NRXN3: variants seen among roughly 807,000 people sequenced by gnomAD.
NRXN3 encodes the protein neurexin 3.
A neutral mutation model predicts 137.6 loss-of-function variants in NRXN3; 32 were observed. The ratio of observed to expected loss-of-function variants is 0.23; its 90% CI spans 0.18 to 0.31. The LOEUF is 0.31. NRXN3 is among the 10% of genes least tolerant of loss of function. The pLI, the probability that NRXN3 is intolerant of heterozygous loss-of-function variation, is 1.00. For missense variants in NRXN3, 1,574 were observed against 2,062.5 expected (o/e 0.76, Z 4.59); for synonymous variants, 798 against 784.5 (o/e 1.02, Z -0.29).
At chr14:78,725,956 G>A (rs2098481294) in intron 8 of NRXN3, among the ~76,000 whole-genome samples, 1 of 152,174 alleles carries the variant, frequency 6.6e-6, no homozygotes, top group South Asian at 2.1e-4. Flanking sequence ...TTGGGGTTAA[G>A]GATAGGTTAA....
chr14:79,451,171 GAAAAA>G (rs563541996), intron 15 of NRXN3, among the ~76,000 whole-genome samples: 1 of 86,120 alleles, frequency 1.2e-5, no homozygotes. Flanking sequence ...GGAGGGAACA[GAAAAA>G]AAAAAAAAAA....
intron 4 of NRXN3, among the ~76,000 whole-genome samples, chr14:78,595,712 G>A (rs887579584): frequency 6.6e-5 from 10 of 152,324 alleles, no homozygotes; most frequent in African/African-American, 2.4e-4. Context: ...AACTGAGGCT[G>A]TAAGAGATAA....
intron 10 of NRXN3, among the ~76,000 whole-genome samples, chr14:78,943,619 AAAATATATATATATATATATAT>A (rs1172635462): frequency 5.8e-4 from 25 of 42,810 alleles, no homozygotes; most frequent in South Asian, 1.2e-3. Context: ...TTAAAAAAAA[AAAATATATATATATATATATAT>A]ATATATATAT....
intron 15 of NRXN3, among the ~76,000 whole-genome samples, chr14:79,087,803 G>A (rs1043662868): frequency 2.6e-5 from 4 of 152,144 alleles, no homozygotes; most frequent in African/African-American, 7.2e-5. Flanking sequence ...TCAGGCAACC[G>A]CTGCCATCTT....
chr14:79,162,288 C>T (rs2060860809), intron 15 of NRXN3, among the ~76,000 whole-genome samples: 1 of 129,230 alleles, frequency 7.7e-6, no homozygotes, highest in African/African-American at 2.8e-5. Flanking sequence ...GCTATCCCGC[C>T]CCCCTCCCCT....
intron 4 of NRXN3, among the ~76,000 whole-genome samples, chr14:78,636,651 TTGAC>T (rs934529389): frequency 2.6e-5 from 4 of 152,144 alleles, no homozygotes; most frequent in South Asian, 2.1e-4. Context: ...GCTTGTTTGA[TTGAC>T]TGACCCATAA....
At chr14:79,698,445 A>G (rs958396894) in intron 19 of NRXN3, among the ~76,000 whole-genome samples, 2 of 151,958 alleles carry the variant, frequency 1.3e-5, no homozygotes, top group Non-Finnish European at 2.9e-5. Context: ...TGCAGTCTTT[A>G]TGTTTGTTAT....
chr14:79,224,320 G>C (rs564069443), intron 15 of NRXN3, among the ~76,000 whole-genome samples: 1 of 152,280 alleles, frequency 6.6e-6, no homozygotes, highest in Admixed American at 6.5e-5. Flanking sequence ...GAGATAGTGA[G>C]AATTGGATTA....
intron 16 of NRXN3, among the ~76,000 whole-genome samples, chr14:79,600,337 CCTCTGAATAGT>C: frequency 6.6e-6 from 1 of 152,112 alleles, no homozygotes; most frequent in Non-Finnish European, 1.5e-5. Context: ...TTATTTAGGT[CCTCTGAATAGT>C]CTCTGAATGG....
chr14:79,470,444 G>A (rs2096485250), intron 16 of NRXN3, among the ~76,000 whole-genome samples: 1 of 152,034 alleles, frequency 6.6e-6, no homozygotes, highest in African/African-American at 2.4e-5. Flanking sequence ...GTTTTCACAT[G>A]GCAGAAGGGC....
chr14:79,230,887 GA>G (rs200903312), intron 15 of NRXN3, among the ~76,000 whole-genome samples: 18 of 150,850 alleles, frequency 1.2e-4, no homozygotes, highest in Admixed American at 4.0e-4. Context: ...AAAATGGGGA[GA>G]AAAAAAAACT....
At chr14:79,123,867 G>A (rs1024026590) in intron 15 of NRXN3, among the ~76,000 whole-genome samples, 2 of 152,146 alleles carry the variant, frequency 1.3e-5, no homozygotes, top group Non-Finnish European at 2.9e-5. Flanking sequence ...AGAATGTTTT[G>A]CCTCATTGGA....
At chr14:78,899,904 C>T (rs1207201551) in intron 10 of NRXN3, among the ~76,000 whole-genome samples, 2 of 152,074 alleles carry the variant, frequency 1.3e-5, no homozygotes, top group Admixed American at 6.6e-5. Flanking sequence ...GATGAGATAA[C>T]GTGGAGCTTT....
chr14:79,752,766 T>A (rs1490309318), intron 19 of NRXN3, among the ~76,000 whole-genome samples: 1 of 151,808 alleles, frequency 6.6e-6, no homozygotes, highest in African/African-American at 2.4e-5. Flanking sequence ...GAAACTACCA[T>A]CAGAGTGAAC....
intron 1 of NRXN3, among the ~76,000 whole-genome samples, chr14:78,173,907 C>T (rs1267018378): frequency 1.3e-5 from 2 of 151,786 alleles, no homozygotes; most frequent in Non-Finnish European, 2.9e-5. Flanking sequence ...AACCTCTTTC[C>T]CCACTCTACC....
intron 4 of NRXN3, among the ~76,000 whole-genome samples, chr14:78,340,728 C>G (rs2082056554): frequency 6.6e-6 from 1 of 152,162 alleles, no homozygotes; most frequent in African/African-American, 2.4e-5. Flanking sequence ...AGGGCAAGAC[C>G]TGTAACTGAC....
intron 1 of NRXN3, among the ~76,000 whole-genome samples, chr14:78,234,113 A>G (rs1596217330): frequency 6.6e-6 from 1 of 152,322 alleles, no homozygotes; most frequent in East Asian, 1.9e-4. Context: ...CCCCAATGTA[A>G]GATGTCCCTT....
At position 78,905,082 on chromosome 14, in the gene NRXN3, G is replaced by A. The variant is rs143840021; in HGVS notation, c.2276-52160G>A. Among the ~76,000 whole-genome samples, 5 of 152,104 alleles carry A rather than the reference G, an allele frequency of 3.3e-5. No individual in the cohort carries two copies. In the East Asian group the frequency reaches 7.8e-4, roughly 24 times the overall value. On this transcript the variant is annotated intron_variant, in intron 10 of 20. Coordinates refer to ENST00000335750, the MANE Select transcript of NRXN3 (RefSeq NM_001330195.2). ...TTGAGTTCAGTGTGGATTGCATCTT[G>A]TGTTTAATATTCTTCAGGATTTGGC...
intron 20 of NRXN3, among the ~76,000 whole-genome samples, chr14:79,844,661 C>A (rs2099363303): frequency 6.6e-6 from 1 of 152,110 alleles, no homozygotes; most frequent in African/African-American, 2.4e-5. Context: ...ATTTAGTAAA[C>A]CATGCTGTAA....
Sources: allele counts gnomAD v4.1 joint callset (sites outside exome capture counted in the v4.1 genomes callset), GRCh38; gene constraint gnomAD v4.1.1; transcripts MANE v1.5; gene names NCBI Gene and HGNC (gene_info 2026-07-23, HGNC 2026-07-21).